The following ZNF704 variants were observed in gnomAD, a reference collection of about 807,000 sequenced individuals.
ZNF704 encodes zinc finger protein 704.
In ZNF704, 10 loss-of-function variants were observed where a neutral mutation model predicts 44.7. The ratio of observed to expected loss-of-function variants is 0.22; its 90% confidence interval spans 0.14 to 0.38. The LOEUF (loss-of-function observed/expected upper bound fraction) is 0.38. Among genes scored for constraint, ZNF704 ranks in the 10% least tolerant of loss-of-function variants. The pLI is 1.00. For synonymous variants in ZNF704, 211 were observed against 207.6 expected (o/e 1.02, Z -0.14); for missense variants, 390 against 545.5 (o/e 0.71, Z 2.84).
rs149109196 is a variant in ZNF704 at position 80,688,459 on chromosome 8, T to A, written c.326-1001A>T. ...CTGTCCTTCAGAATAAGGATTATTA[T>A]CCCAGTTTTATAGATGAGGACCCTG... is the stretch of plus-strand genomic sequence containing the variant. On this transcript the variant is annotated intron_variant, in intron 3 of 8. Coordinates refer to ENST00000327835, the MANE Select transcript of ZNF704 (RefSeq NM_001033723.3). Among the ~76,000 whole-genome samples the A allele has an allele frequency of 5.9e-5, 9 of 152,270 alleles. No individual in the cohort carries two copies. In the East Asian group the frequency reaches 1.7e-3, roughly 29 times the overall value.
chr8:80,719,315 T>A (rs1819125312), intron 2 of ZNF704, among the ~76,000 whole-genome samples: 2 of 152,090 alleles, frequency 1.3e-5, no homozygotes, highest in South Asian at 4.1e-4. Flanking sequence ...TACTGAGGTT[T>A]AAAATAAACA....
chr8:80,769,849 AC>A (rs1807290025), intron 2 of ZNF704, among the ~76,000 whole-genome samples: 2 of 152,066 alleles, frequency 1.3e-5, no homozygotes, highest in Non-Finnish European at 2.9e-5. Flanking sequence ...CTCTACTGGT[AC>A]CAATTTACTG....
At chr8:80,773,227 T>C (rs539798470) in intron 2 of ZNF704, among the ~76,000 whole-genome samples, 3 of 152,320 alleles carry the variant, frequency 2.0e-5, no homozygotes, top group Non-Finnish European at 2.9e-5. Flanking sequence ...TTCCTGTGGA[T>C]TAAACACTTT....
intron 2 of ZNF704, among the ~76,000 whole-genome samples, chr8:80,789,065 A>C (rs1807660785): frequency 6.6e-6 from 1 of 152,216 alleles, no homozygotes; most frequent in African/African-American, 2.4e-5. Flanking sequence ...AAGATGATAT[A>C]TACCATTAAT....
chr8:80,685,414 C>T (rs1181334746), intron 4 of ZNF704, among the ~76,000 whole-genome samples: 1 of 152,174 alleles, frequency 6.6e-6, no homozygotes, highest in Non-Finnish European at 1.5e-5. Flanking sequence ...GTCCTTGTCA[C>T]AACCCTGGGC....
chr8:80,837,276 A>G (rs1808599171), intron 1 of ZNF704, among the ~76,000 whole-genome samples: 1 of 152,216 alleles, frequency 6.6e-6, no homozygotes, highest in Non-Finnish European at 1.5e-5. Flanking sequence ...TTTCCTTATC[A>G]AAGTATTCAA....
At chr8:80,845,083 T>C (rs1015332398) in intron 1 of ZNF704, among the ~76,000 whole-genome samples, 1 of 152,228 alleles carries the variant, frequency 6.6e-6, no homozygotes, top group Admixed American at 6.5e-5. Context: ...TCTATTTCTT[T>C]ATTATACATT....
At chr8:80,648,378 A>G (rs1817864773) in intron 7 of ZNF704, among the ~76,000 whole-genome samples, 1 of 152,172 alleles carries the variant, frequency 6.6e-6, no homozygotes, top group African/African-American at 2.4e-5. Context: ...TAGGAGGCTC[A>G]ATATGACATG....
intron 4 of ZNF704, among the ~76,000 whole-genome samples, chr8:80,686,228 T>C (rs142981139): frequency 3.3e-5 from 5 of 152,280 alleles, no homozygotes; most frequent in Non-Finnish European, 7.4e-5. Context: ...CAGGGGCCAG[T>C]TAAATGTACA....
At chr8:80,847,767 C>T (rs531263835) in intron 1 of ZNF704, among the ~76,000 whole-genome samples, 1 of 152,294 alleles carries the variant, frequency 6.6e-6, no homozygotes, top group East Asian at 1.9e-4. Flanking sequence ...AGGCAAAAAA[C>T]ATGAACTTCA....
chr8:80,770,529 T>C (rs1431651720), intron 2 of ZNF704, among the ~76,000 whole-genome samples: 1 of 152,230 alleles, frequency 6.6e-6, no homozygotes, highest in Admixed American at 6.5e-5. Flanking sequence ...TCTGTTCATG[T>C]TGTTTGCCCA....
chr8:80,868,062 G>A (rs1015884953), intron 1 of ZNF704, among the ~76,000 whole-genome samples: 3 of 152,116 alleles, frequency 2.0e-5, no homozygotes, highest in Non-Finnish European at 2.9e-5. Context: ...TGTTATCTCA[G>A]CCTCGCTACT....
chr8:80,826,758 G>C (rs1326534407), intron 1 of ZNF704, among the ~76,000 whole-genome samples: 1 of 152,174 alleles, frequency 6.6e-6, no homozygotes, highest in Non-Finnish European at 1.5e-5. Context: ...TGGGATGCAA[G>C]GCTGGTTCAA....
At chr8:80,839,870 A>G (rs1808647538) in intron 1 of ZNF704, among the ~76,000 whole-genome samples, 1 of 152,146 alleles carries the variant, frequency 6.6e-6, no homozygotes, top group Non-Finnish European at 1.5e-5. Flanking sequence ...AAATGAATAC[A>G]TAAATACAAC....
At chr8:80,645,448 G>A (rs1817815234) in intron 7 of ZNF704, among the ~76,000 whole-genome samples, 2 of 152,138 alleles carry the variant, frequency 1.3e-5, no homozygotes, top group South Asian at 2.1e-4. Flanking sequence ...GTTCGGATGT[G>A]TGTCTCTGCC....
intron 2 of ZNF704, among the ~76,000 whole-genome samples, chr8:80,788,616 G>A (rs560471478): frequency 1.3e-5 from 2 of 152,262 alleles, no homozygotes; most frequent in African/African-American, 4.8e-5. Context: ...GTGTGCTGTT[G>A]GAAACTGTAG....
chr8:80,754,575 AG>A (rs1172176721), intron 2 of ZNF704, among the ~76,000 whole-genome samples: 2 of 152,244 alleles, frequency 1.3e-5, no homozygotes, highest in African/African-American at 4.8e-5. Context: ...ATTCCAGTTT[AG>A]GATTTCATAA....
chr8:80,674,882 A>G (rs984684554), intron 4 of ZNF704, among the ~76,000 whole-genome samples: 2 of 152,250 alleles, frequency 1.3e-5, no homozygotes, highest in Non-Finnish European at 2.9e-5. Context: ...CAATGACTCA[A>G]GCAAAAATAC....
At chr8:80,795,352 A>G (rs1807780555) in intron 2 of ZNF704, among the ~76,000 whole-genome samples, 2 of 152,218 alleles carry the variant, frequency 1.3e-5, no homozygotes, top group African/African-American at 4.8e-5. Flanking sequence ...GGCGTTATAA[A>G]TCAGCTGGAG....
Sources: allele counts gnomAD v4.1 joint callset (sites outside exome capture counted in the v4.1 genomes callset), GRCh38; gene constraint gnomAD v4.1.1; transcripts MANE v1.5; gene names NCBI Gene and HGNC (gene_info 2026-07-23, HGNC 2026-07-21).